Variants in CR1 observed in about 807,000 individuals in gnomAD.
The protein encoded by CR1 is complement receptor type 1.
A neutral mutation model predicts 187.3 loss-of-function variants in CR1; 116 were observed. The ratio of observed to expected loss-of-function variants is 0.62; its 90% CI spans 0.53 to 0.72. CR1 has a LOEUF of 0.72. Ranked by LOEUF, CR1 falls within the 30% of genes least tolerant of loss-of-function variation. CR1 has a pLI of 0.00. For missense variants in CR1, 1,731 were observed against 2,110.7 expected, an observed-to-expected ratio of 0.82 and a Z score of 3.52; for synonymous variants, 576 against 747.1, an observed-to-expected ratio of 0.77 and a Z score of 3.73.
At chr1:207,515,864 T>C (rs1659795062) in intron 4 of CR1, among the ~76,000 whole-genome samples, 2 of 152,298 alleles carry the variant, frequency 1.3e-5, no homozygotes, top group South Asian at 4.1e-4. Flanking sequence ...GTTCTACATT[T>C]TAATAATATT....
intron 35 of CR1, among the ~76,000 whole-genome samples, chr1:207,598,138 T>C (rs905814701): frequency 7.2e-5 from 11 of 152,222 alleles, no homozygotes; most frequent in African/African-American, 1.2e-4. Context: ...ATTGGGATGG[T>C]GAAAATTTTT....
chr1:207,518,820 G>A (rs964398497), intron 4 of CR1, among the ~76,000 whole-genome samples: 2 of 152,168 alleles, frequency 1.3e-5, no homozygotes, highest in African/African-American at 4.8e-5. Context: ...TCATTAACGT[G>A]ATTGTATCTA....
intron 4 of CR1, among the ~76,000 whole-genome samples, chr1:207,520,936 G>C (rs1659956180): frequency 9.6e-6 from 1 of 103,716 alleles, no homozygotes; most frequent in African/African-American, 3.7e-5. Flanking sequence ...TCTTTGTATT[G>C]CTTGGGTTTG....
intron 39 of CR1, among the ~76,000 whole-genome samples, chr1:207,613,863 T>G (rs1662015980): frequency 6.6e-6 from 1 of 152,164 alleles, no homozygotes; most frequent in South Asian, 2.1e-4. Flanking sequence ...TCTTTTTTTC[T>G]TAGAGCACGT....
chr1:207,583,305 T>G (rs1377126439), intron 32 of CR1, among the ~76,000 whole-genome samples: 1 of 152,202 alleles, frequency 6.6e-6, no homozygotes, highest in Non-Finnish European at 1.5e-5. Flanking sequence ...ATCTTTGGGT[T>G]TAGCAACTTG....
chr1:207,573,081 C>G (rs984699598), intron 27 of CR1, among the ~76,000 whole-genome samples: 1 of 145,944 alleles, frequency 6.9e-6, no homozygotes, highest in Admixed American at 6.9e-5. Context: ...CTTCAGCATA[C>G]TTGGGGGGAG....
chr1:207,525,646 A>G (rs1660144519), intron 5 of CR1, among the ~76,000 whole-genome samples: 1 of 152,076 alleles, frequency 6.6e-6, no homozygotes, highest in Non-Finnish European at 1.5e-5. Flanking sequence ...GAACCTAACC[A>G]GAGCCCAGCT....
At position 207,565,869 on chromosome 1, in the gene CR1, T is replaced by G; in HGVS notation, c.3898T>G (p.Cys1300Gly). Reference sequence around the variant, plus strand: ...ATTAAAAGGCAGCTCTGCTAGTTATTGTGTCTTGGCTGGAATGGAAAGCCT... The same window carrying G: ...ATTAAAAGGCAGCTCTGCTAGTTATGGTGTCTTGGCTGGAATGGAAAGCCT... Reference protein sequence around the residue: ...FQLKGSSASYCVLAGMESLWN... With the variant: ...FQLKGSSASYGVLAGMESLWN... The change falls in exon 24 of 47, where the codon TGT (cysteine) becomes GGT (glycine). Residue 1300 changes from cysteine to glycine, a missense_variant. Cys to Gly is a radical substitution (Grantham distance 159). Coordinates refer to ENST00000367049, the MANE Select transcript of CR1 (RefSeq NM_000651.6). 18 of 1,610,886 alleles carry G rather than the reference T, an allele frequency of 1.1e-5. No individual in the cohort carries two copies. Among genetic ancestry groups the G allele is most frequent in the Non-Finnish European group, 1.4e-5 (17 of 1,179,734 alleles).
At position 207,567,944 on chromosome 1, in the gene CR1, C is replaced by T. The variant is rs370005351; in HGVS notation, c.4073C>T (p.Thr1358Met). ...YTCDPHPDRG[T>M]SFDLIGESTI... ...TGCGACCCCCACCCAGACAGAGGGA[C>T]GAGCTTCGACCTCATTGGAGAGAGC... is the stretch of plus-strand genomic sequence containing the variant. The change falls in exon 25 of 47, where the codon ACG (threonine) becomes ATG (methionine). Residue 1358 changes from threonine (T) to methionine (M), a missense_variant. Transcript: ENST00000367049. 7.6e-5 allele frequency: 123 copies of T among 1,610,580 alleles called. 1 individual carries two copies. The highest frequency in any genetic ancestry group is 6.0e-4 in the East Asian group (27 of 44,874).
In CR1 at chr1:207,632,767, C is replaced by A. The variant is rs1028749423; in HGVS notation, c.7457+2146C>A. ...GAGCCGAGATCGCGCCACTGTACTC[C>A]AGCCTGGGTGACAGAGCAAGACTCC... is the stretch of plus-strand genomic sequence containing the variant. On this transcript the variant is annotated intron_variant, in intron 46 of 46. Coordinates refer to ENST00000367049, the MANE Select transcript of CR1 (RefSeq NM_000651.6). Among the ~76,000 whole-genome samples, 14 of 140,848 alleles carry A rather than the reference C, an allele frequency of 9.9e-5. No individual in the cohort carries two copies. In the South Asian group the frequency reaches 2.4e-3, roughly 24 times the overall value. 92.4% of individuals were successfully genotyped at this position (140,848 alleles called of 152,430 possible). A position where few individuals can be genotyped will look rare whatever the true frequency, so the allele number is the denominator to read the frequency against.
chr1:207,618,119 A>T lies in CR1; in HGVS notation c.6938A>T (p.His2313Leu), dbSNP rs558883935. 8.7e-6 allele frequency: 14 copies of T among 1,613,862 alleles called. No individual in the cohort carries two copies. Among genetic ancestry groups the T allele is most frequent in the Non-Finnish European group, 1.0e-5 (12 of 1,179,878 alleles). The change falls in exon 42 of 47, where the codon CAC (histidine) becomes CTC (leucine). Residue 2313 changes from histidine (H) to leucine (L), a missense_variant. This residue lies in a region of CR1 where 1,312 missense variants were observed against 1,379.6 expected (regional missense o/e 0.95). Transcript: ENST00000367049. ...KIQNGHYIGG[H>L]VSLYLPGMTI... ...CAAAACGGGCATTACATTGGAGGAC[A>T]CGTATCTCTATATCTTCCTGGGATG...
intron 35 of CR1, among the ~76,000 whole-genome samples, chr1:207,598,564 C>T (rs2102369281): frequency 6.6e-6 from 1 of 152,194 alleles, no homozygotes; most frequent in South Asian, 2.1e-4. Context: ...GGACTACAGG[C>T]ATGCGCCACC....
At chr1:207,601,174 G>A (rs1482246650) in intron 35 of CR1, among the ~76,000 whole-genome samples, 2 of 151,886 alleles carry the variant, frequency 1.3e-5, no homozygotes, top group East Asian at 3.8e-4. Context: ...AACAGACTGG[G>A]TCAATTGTCA....
At chr1:207,616,943 T>C in intron 41 of CR1, 141 bp downstream of exon 41, 1 of 1,248,774 alleles carries the variant, frequency 8.0e-7, no homozygotes, top group South Asian at 1.6e-5. Context: ...CCCAAGTGAA[T>C]GACAAACGGG....
At chr1:207,597,427 T>C (rs1255964797) in intron 35 of CR1, among the ~76,000 whole-genome samples, 1 of 152,134 alleles carries the variant, frequency 6.6e-6, no homozygotes, top group Non-Finnish European at 1.5e-5. Context: ...TAACTGAAAA[T>C]GAGCAAATGA....
At chr1:207,592,911 G>C (rs969334146) in intron 35 of CR1, among the ~76,000 whole-genome samples, 17 of 151,856 alleles carry the variant, frequency 1.1e-4, no homozygotes, top group African/African-American at 3.6e-4. Flanking sequence ...TCTTCAAGGA[G>C]AACTACAAAC....
rs1659413425 is a variant in CR1 at position 207,505,904 on chromosome 1, G to A, written c.122G>A (p.Gly41Asp). ...ATGCTTCTATGGTCTTGATCTCCAG[G>A]TCAATGCAATGCCCCAGAATGGCTT... ...VVLLALPVAWGQCNAPEWLPF... is the reference protein window; with the variant it reads ...VVLLALPVAWDQCNAPEWLPF... The change falls in exon 2 of 47, where the codon GGT (glycine) becomes GAT (aspartate). Residue 41 changes from glycine to aspartate, a missense_variant and splice_region_variant. Transcript: ENST00000367049. 6.2e-7 allele frequency: 1 copy of A among 1,612,814 alleles called. No individual in the cohort carries two copies.
chr1:207,497,240 C>A (rs1659116737), intron 1 of CR1, among the ~76,000 whole-genome samples: 1 of 152,134 alleles, frequency 6.6e-6, no homozygotes, highest in Admixed American at 6.5e-5. Context: ...CAAAATAACG[C>A]CTATTATAAT....
intron 35 of CR1, among the ~76,000 whole-genome samples, chr1:207,593,213 T>C (rs1214161979): frequency 1.2e-4 from 18 of 151,416 alleles, no homozygotes; most frequent in Admixed American, 9.9e-4. Flanking sequence ...AACTATACTA[T>C]AAGGCTACAG....
Sources: allele counts gnomAD v4.1 joint callset (sites outside exome capture counted in the v4.1 genomes callset), GRCh38; gene constraint gnomAD v4.1.1; regional missense constraint gnomAD v4.1.1; transcripts MANE v1.5; gene names NCBI Gene and HGNC (gene_info 2026-07-23, HGNC 2026-07-21).